The following USP7 variants were observed in gnomAD, a reference collection of about 807,000 sequenced individuals.
USP7 encodes the protein ubiquitin C-terminal hydrolase 7.
In USP7, 9 loss-of-function variants were observed where a neutral mutation model predicts 162.9. That is an observed-to-expected ratio of 0.06 (90% CI 0.03 to 0.10). The LOEUF is 0.10. USP7 is among the 10% of genes least tolerant of loss of function. USP7 has a pLI of 1.00. For missense variants in USP7, 715 were observed against 1,373.7 expected (o/e 0.52, Z 7.58); for synonymous variants, 562 against 475.9 (o/e 1.18, Z -2.35).
chr16:8,930,888 G>C (rs1235623232), intron 1 of USP7, among the ~76,000 whole-genome samples: 1 of 151,380 alleles, frequency 6.6e-6, no homozygotes, highest in Admixed American at 6.6e-5. Context: ...AAAATCACTT[G>C]AACTCAGGAG....
At chr16:8,921,604 G>A (rs909133200) in intron 3 of USP7, among the ~76,000 whole-genome samples, 3 of 152,058 alleles carry the variant, frequency 2.0e-5, no homozygotes, top group Non-Finnish European at 4.4e-5. Flanking sequence ...CCGATATAGG[G>A]GTCACCTCTC....
chr16:8,950,436 A>G (rs1899498774), intron 1 of USP7, among the ~76,000 whole-genome samples: 1 of 152,218 alleles, frequency 6.6e-6, no homozygotes, highest in African/African-American at 2.4e-5. Flanking sequence ...CTGATTTCCA[A>G]AGGAAATACT....
At chr16:8,905,360 C>A in intron 13 of USP7, 29 bp from the exon 14 acceptor site, 3 of 1,607,716 alleles carry the variant, frequency 1.9e-6, no homozygotes, top group South Asian at 2.2e-5. Flanking sequence ...ACACCAGCAG[C>A]GATCAAGCAC....
At chr16:8,958,964 AC>A (rs1430230453) in intron 1 of USP7, among the ~76,000 whole-genome samples, 1 of 152,158 alleles carries the variant, frequency 6.6e-6, no homozygotes, top group Non-Finnish European at 1.5e-5. Flanking sequence ...TCTGCATAGC[AC>A]CCATCTTCGA....
intron 2 of USP7, among the ~76,000 whole-genome samples, chr16:8,927,861 T>C (rs944536894): frequency 1.3e-5 from 2 of 152,066 alleles, no homozygotes; most frequent in African/African-American, 4.8e-5. Context: ...AAAACTTCCT[T>C]GGGCCAAGTG....
At chr16:8,923,080 C>G in intron 3 of USP7, 135 bp downstream of exon 3, 8 of 656,696 alleles carry the variant, frequency 1.2e-5, no homozygotes, top group Non-Finnish European at 2.1e-5. Flanking sequence ...TATACATATA[C>G]CAGTGGGTTT....
chr16:8,897,751 G>A lies in USP7; in HGVS notation c.2718+609C>T, dbSNP rs1397176675. ...AATATATATATATATATATATAAAT[G>A]AGTTGGGCGTGGTGACATACACCTG... On this transcript the variant is annotated intron_variant, in intron 25 of 30. Coordinates refer to ENST00000344836, the MANE Select transcript of USP7 (RefSeq NM_003470.3). Among the ~76,000 whole-genome samples the A allele has an allele frequency of 1.2e-4, 7 of 58,248 alleles. No individual in the cohort carries two copies. In the East Asian group the frequency reaches 2.5e-3, roughly 20 times the overall value. 38.2% of individuals were successfully genotyped at this position (58,248 alleles called of 152,430 possible). A position where few individuals can be genotyped will look rare whatever the true frequency, so the allele number is the denominator to read the frequency against.
At chr16:8,943,340 A>C (rs1899130960) in intron 1 of USP7, among the ~76,000 whole-genome samples, 1 of 151,312 alleles carries the variant, frequency 6.6e-6, no homozygotes, top group South Asian at 2.1e-4. Flanking sequence ...CTGCTTCTAC[A>C]TGTATAGTCT....
intron 1 of USP7, among the ~76,000 whole-genome samples, chr16:8,935,354 C>T (rs984932840): frequency 4.6e-5 from 7 of 152,102 alleles, no homozygotes; most frequent in Non-Finnish European, 8.8e-5. Context: ...GGATTACAGG[C>T]ACCTGCCATC....
intron 10 of USP7, among the ~76,000 whole-genome samples, chr16:8,911,176 G>A (rs139240720): frequency 3.3e-4 from 51 of 152,336 alleles, no homozygotes; most frequent in Non-Finnish European, 6.9e-4. Context: ...AAGCAGAGAT[G>A]CACAAATGTG....
At chr16:8,952,326 CAT>C (rs1325824998) in intron 1 of USP7, among the ~76,000 whole-genome samples, 8 of 152,232 alleles carry the variant, frequency 5.3e-5, no homozygotes, top group African/African-American at 9.6e-5. Context: ...AGCCGGACCA[CAT>C]GTGTTCCAAT....
chr16:8,919,440 C>A (rs998384378), intron 5 of USP7, among the ~76,000 whole-genome samples: 2 of 152,110 alleles, frequency 1.3e-5, no homozygotes, highest in South Asian at 2.1e-4. Context: ...TCACACCCAA[C>A]ATGCCTCATG....
intron 1 of USP7, among the ~76,000 whole-genome samples, chr16:8,952,686 C>T (rs1899610310): frequency 6.6e-6 from 1 of 152,186 alleles, no homozygotes; most frequent in Non-Finnish European, 1.5e-5. Flanking sequence ...TGTAACGTAA[C>T]ATTTGCAGGT....
intron 1 of USP7, among the ~76,000 whole-genome samples, chr16:8,939,683 C>CAT (rs1243797202): frequency 3.3e-5 from 5 of 152,342 alleles, no homozygotes; most frequent in Admixed American, 2.0e-4. Context: ...TTCATATGTA[C>CAT]ATATCATGTA....
At chr16:8,904,844 C>A (rs892007217) in intron 14 of USP7, among the ~76,000 whole-genome samples, 1 of 151,862 alleles carries the variant, frequency 6.6e-6, no homozygotes, top group East Asian at 1.9e-4. Flanking sequence ...TGGTGGCAGA[C>A]GCCTGTAGTC....
At chr16:8,898,164 T>C (rs2061718899) in intron 25 of USP7, among the ~76,000 whole-genome samples, 196 bp downstream of exon 25, 1 of 152,078 alleles carries the variant, frequency 6.6e-6, no homozygotes, top group Non-Finnish European at 1.5e-5. Context: ...TAGCTCCACA[T>C]GTCATGCACC....
chr16:8,897,748 A>ATATATATATATAT (rs2061711307), intron 25 of USP7, among the ~76,000 whole-genome samples: 1 of 78,488 alleles, frequency 1.3e-5, no homozygotes, highest in Non-Finnish European at 2.7e-5. Context: ...TATATATATA[A>ATATATATATATAT]ATGAGTTGGG....
intron 10 of USP7, among the ~76,000 whole-genome samples, chr16:8,914,612 G>A (rs1395133882): frequency 6.6e-6 from 1 of 152,178 alleles, no homozygotes; most frequent in Non-Finnish European, 1.5e-5. Flanking sequence ...TCTCATGAAT[G>A]TGCTGGGCAA....
At chr16:8,914,100 G>C (rs1036211797) in intron 10 of USP7, among the ~76,000 whole-genome samples, 7 of 152,020 alleles carry the variant, frequency 4.6e-5, no homozygotes, top group African/African-American at 1.7e-4. Context: ...AAAAAGAAAA[G>C]AAGCCAATAC....
Sources: gnomAD v4.1 joint callset for allele counts (sites outside exome capture counted in the v4.1 genomes callset) on GRCh38, gnomAD v4.1.1 for gene constraint, MANE v1.5 for transcripts, NCBI Gene and HGNC (gene_info 2026-07-23, HGNC 2026-07-21) for gene names.